The following ZFHX3 variants were observed in gnomAD, a reference collection of about 807,000 sequenced individuals.
The protein encoded by ZFHX3 is zinc finger homeobox protein 3.
Under a neutral mutation model 279.1 loss-of-function variants are expected in ZFHX3, and 42 were observed. The ratio of observed to expected loss-of-function variants is 0.15; its 90% CI spans 0.12 to 0.19. The LOEUF is 0.19. Among genes scored for constraint, ZFHX3 ranks in the 10% least tolerant of loss-of-function variants. The pLI is 1.00. For missense variants in ZFHX3, 4,981 were observed against 4,754.0 expected, an observed-to-expected ratio of 1.05 and a Z score of -1.40; for synonymous variants, 2,293 against 1,957.8, an observed-to-expected ratio of 1.17 and a Z score of -4.52.
intron 5 of ZFHX3, among the ~76,000 whole-genome samples, chr16:72,826,728 T>G (rs2143703848): frequency 6.6e-6 from 1 of 152,346 alleles, no homozygotes; most frequent in South Asian, 2.1e-4. Context: ...GCAAGGTGCA[T>G]CTCTGAGTTA....
At chr16:73,280,224 C>G (rs57121759) in intron 4 of ZFHX3, among the ~76,000 whole-genome samples, 1 of 151,900 alleles carries the variant, frequency 6.6e-6, no homozygotes, top group Non-Finnish European at 1.5e-5. Context: ...CCAAAAATAC[C>G]GGCAACAAAA....
At chr16:73,781,186 G>A (rs1032455128) in intron 1 of ZFHX3, among the ~76,000 whole-genome samples, 1 of 152,176 alleles carries the variant, frequency 6.6e-6, no homozygotes, top group Non-Finnish European at 1.5e-5. Context: ...AAGAGAGCAA[G>A]CAACGTAGCT....
chr16:73,647,272 G>A (rs2052628242), intron 2 of ZFHX3, among the ~76,000 whole-genome samples: 1 of 152,034 alleles, frequency 6.6e-6, no homozygotes, highest in Admixed American at 6.6e-5. Flanking sequence ...TCAGCCTCCG[G>A]TTGTACCAAC....
intron 2 of ZFHX3, among the ~76,000 whole-genome samples, chr16:73,589,445 A>C (rs1395822947): frequency 6.7e-6 from 1 of 150,324 alleles, no homozygotes; most frequent in African/African-American, 2.4e-5. Context: ...CAAAAAAAAA[A>C]AAAAGGCTGG....
chr16:72,983,236 CTGAGTGACATTTTTAGGAAGAGCATTAA>C (rs1252236390), intron 1 of ZFHX3, among the ~76,000 whole-genome samples: 6 of 152,162 alleles, frequency 3.9e-5, no homozygotes, highest in Non-Finnish European at 8.8e-5. Flanking sequence ...ACTGACTAAG[CTGAGTGACATTTTTAGGAAGAGCATTAA>C]TGCGGAAAAC....
chr16:72,916,865 C>A (rs1330997001), intron 3 of ZFHX3, among the ~76,000 whole-genome samples: 1 of 152,078 alleles, frequency 6.6e-6, no homozygotes, highest in Non-Finnish European at 1.5e-5. Context: ...AGTTAAGTGT[C>A]AAAACATGAA....
At chr16:73,149,198 T>TTA (rs1376945120) in intron 5 of ZFHX3, among the ~76,000 whole-genome samples, 22 of 147,946 alleles carry the variant, frequency 1.5e-4, no homozygotes, top group African/African-American at 5.4e-4. Flanking sequence ...TTACTTTATA[T>TTA]TATATTTTAT....
intron 3 of ZFHX3, among the ~76,000 whole-genome samples, chr16:73,337,389 T>A (rs1247651299): frequency 1.3e-5 from 2 of 152,162 alleles, no homozygotes; most frequent in African/African-American, 4.8e-5. Flanking sequence ...TGGTGAGCTT[T>A]GTTACTTCCA....
chr16:73,735,905 T>TGTTTGTTTGTTTG (rs755533323), intron 1 of ZFHX3, among the ~76,000 whole-genome samples: 10,550 of 147,130 alleles, frequency 0.072, 446 homozygotes, highest in African/African-American at 0.084. Flanking sequence ...TTTTTTTTTT[T>TGTTTGTTTGTTTG]TTTTTTTTTT....
chr16:72,845,322 C>T (rs1162406949), intron 4 of ZFHX3, among the ~76,000 whole-genome samples: 1 of 152,172 alleles, frequency 6.6e-6, no homozygotes, highest in Admixed American at 6.5e-5. Context: ...TGCAGCCCGG[C>T]CTGTGATGGG....
chr16:73,243,692 T>C (rs1044598213), intron 5 of ZFHX3, among the ~76,000 whole-genome samples: 2 of 152,170 alleles, frequency 1.3e-5, no homozygotes, highest in African/African-American at 2.4e-5. Context: ...TTCACCACGC[T>C]ATAGACATAG....
chr16:73,099,854 T>C (rs1231684259), intron 7 of ZFHX3, among the ~76,000 whole-genome samples: 1 of 152,118 alleles, frequency 6.6e-6, no homozygotes, highest in Non-Finnish European at 1.5e-5. Flanking sequence ...GTCTACCATA[T>C]GCATCAGCCA....
At chr16:73,406,242 T>C (rs936929356) in intron 3 of ZFHX3, among the ~76,000 whole-genome samples, 1 of 152,256 alleles carries the variant, frequency 6.6e-6, no homozygotes, top group African/African-American at 2.4e-5. Context: ...AAAGCATTTC[T>C]GGTTGTGGAC....
intron 3 of ZFHX3, among the ~76,000 whole-genome samples, chr16:73,416,064 G>A (rs1313633862): frequency 6.7e-6 from 1 of 149,056 alleles, no homozygotes; most frequent in Admixed American, 6.8e-5. Flanking sequence ...AGGTTGTGCT[G>A]AGCCGAGAGA....
At chr16:72,931,504 C>A (rs1959804161) in intron 3 of ZFHX3, among the ~76,000 whole-genome samples, 2 of 146,426 alleles carry the variant, frequency 1.4e-5, no homozygotes, top group Admixed American at 1.4e-4. Context: ...ACAATCATGA[C>A]TTCAGTAGCC....
At chr16:73,075,622 C>A (rs1965879054) in intron 8 of ZFHX3, among the ~76,000 whole-genome samples, 1 of 151,680 alleles carries the variant, frequency 6.6e-6, no homozygotes, top group South Asian at 2.1e-4. Flanking sequence ...AAAGAGCTAC[C>A]TAGAAGAATC....
intron 2 of ZFHX3, among the ~76,000 whole-genome samples, chr16:73,492,780 A>G (rs1680023772): frequency 6.6e-6 from 1 of 152,232 alleles, no homozygotes; most frequent in South Asian, 2.1e-4. Context: ...AAACAACTGC[A>G]GTTTGTAAGG....
At chr16:72,935,342 G>A (rs1181125568) in intron 3 of ZFHX3, among the ~76,000 whole-genome samples, 2 of 152,004 alleles carry the variant, frequency 1.3e-5, no homozygotes, top group Non-Finnish European at 2.9e-5. Context: ...AGACAAAGAC[G>A]CTCGCCCAAG....
At chr16:73,589,349 T>A (rs965327320) in intron 2 of ZFHX3, among the ~76,000 whole-genome samples, 2 of 139,388 alleles carry the variant, frequency 1.4e-5, no homozygotes, top group Admixed American at 1.5e-4. Context: ...AGTAGGATGA[T>A]CACTTGAGCC....
Sources: allele counts gnomAD v4.1 joint callset (sites outside exome capture counted in the v4.1 genomes callset), GRCh38; gene constraint gnomAD v4.1.1; transcripts MANE v1.5; gene names NCBI Gene and HGNC (gene_info 2026-07-23, HGNC 2026-07-21).